The following MYO16 variants were observed in gnomAD, a reference collection of about 807,000 sequenced individuals.
MYO16 encodes myosin XVI.
MYO16 carries 94 observed loss-of-function variants against 205.3 expected under a neutral mutation model. The observed-to-expected ratio is 0.46, with a 90% CI of 0.39 to 0.54. The LOEUF (loss-of-function observed/expected upper bound fraction) is 0.54, where lower values mean the gene tolerates loss of function less well. Ranked by LOEUF, MYO16 falls within the 20% of genes least tolerant of loss-of-function variation. The pLI is 0.00. For missense variants in MYO16, 2,315 were observed against 2,387.5 expected, an observed-to-expected ratio of 0.97 and a Z score of 0.63; for synonymous variants, 988 against 954.0, an observed-to-expected ratio of 1.04 and a Z score of -0.66.
At chr13:108,609,912 A>T (rs532727842) in intron 1 of MYO16, among the ~76,000 whole-genome samples, 7 of 152,254 alleles carry the variant, frequency 4.6e-5, no homozygotes, top group South Asian at 2.1e-4. Flanking sequence ...ATCTGAAAGG[A>T]TGAATCATGG....
Position 108,727,526 on chromosome 13 carries a change from G to A in MYO16, c.450G>A (p.Thr150=), listed in dbSNP as rs375279066. The A allele has an allele frequency of 3.2e-5, 52 of 1,613,852 alleles. No homozygotes were observed. Among genetic ancestry groups the A allele is most frequent in the African/African-American group, 4.0e-5 (3 of 74,880 alleles). The change falls in exon 4 of 35, where the codon ACG becomes ACA. Residue 150 remains threonine (T), a synonymous_variant. Coordinates refer to ENST00000457511, the MANE Select transcript of MYO16 (RefSeq NM_001198950.3). ...NVNHQDEDFW[T]PMHIACACDN... is the part of the protein sequence containing the mutation. ...ACCACCAGGATGAAGACTTCTGGAC[G>A]CCCATGCACATTGCCTGTGCCTGCG...
chr13:108,939,491 T>C (rs1882632171), intron 16 of MYO16, among the ~76,000 whole-genome samples: 1 of 152,234 alleles, frequency 6.6e-6, no homozygotes, highest in African/African-American at 2.4e-5. Flanking sequence ...GCTAGATTCC[T>C]GTTTTCCTTA....
At chr13:109,147,596 G>A (rs1945051394) in intron 32 of MYO16, among the ~76,000 whole-genome samples, 1 of 152,168 alleles carries the variant, frequency 6.6e-6, no homozygotes. Context: ...TGCGGGTCTT[G>A]TAGTGTTTTA....
intron 1 of MYO16, among the ~76,000 whole-genome samples, chr13:108,660,333 G>T (rs1229873879): frequency 6.6e-6 from 1 of 152,108 alleles, no homozygotes; most frequent in Non-Finnish European, 1.5e-5. Flanking sequence ...TTTCTTTGTT[G>T]ACTTTCTGTC....
Position 109,013,794 on chromosome 13 carries a change from T to G in MYO16, c.2595+4745T>G, listed in dbSNP as rs550997155. 2.3e-4 allele frequency among the ~76,000 whole-genome samples: 35 copies of G among 152,276 alleles called. No individual in the cohort carries two copies. In the Middle Eastern group the frequency reaches 0.014, roughly 60 times the overall value. On this transcript the variant is annotated intron_variant, in intron 22 of 34. Coordinates refer to ENST00000457511, the MANE Select transcript of MYO16 (RefSeq NM_001198950.3). ...GAAAAGTGTCTGTTCATATCCTTTG[T>G]CCACTTTTTGATGGGGTTGTTTGAT...
intron 16 of MYO16, among the ~76,000 whole-genome samples, chr13:108,915,503 G>A (rs1011819479): frequency 4.6e-5 from 7 of 152,168 alleles, no homozygotes; most frequent in Non-Finnish European, 7.4e-5. Flanking sequence ...CTCACCAGCA[G>A]CTGTTTGTTT....
chr13:108,742,334 T>C (rs1363932115), intron 4 of MYO16, among the ~76,000 whole-genome samples: 3 of 152,096 alleles, frequency 2.0e-5, no homozygotes, highest in Non-Finnish European at 4.4e-5. Flanking sequence ...TCAGAGAGGT[T>C]GGCAGTGGTG....
Position 108,787,242 on chromosome 13 carries a change from A to G in MYO16, c.616+1499A>G, listed in dbSNP as rs543065490. Reference sequence around the variant, plus strand: ...ATATAATGTGGTGATGGTTTCAGGGATGTATACTTACAAACATCAAGCTGT... The same window carrying G: ...ATATAATGTGGTGATGGTTTCAGGGGTGTATACTTACAAACATCAAGCTGT... On this transcript the variant is annotated intron_variant, in intron 5 of 34. Transcript: ENST00000457511. Among the ~76,000 whole-genome samples, 3 of 152,292 alleles carry G rather than the reference A, an allele frequency of 2.0e-5. No individual in the cohort carries two copies. The East Asian group carries it at 5.8e-4, about 29-fold the overall frequency.
Position 108,964,901 on chromosome 13 carries a change from A to AG in MYO16, c.2369+1dup, listed in dbSNP as rs1883731238. 1 of 1,614,046 alleles carries AG rather than the reference A, an allele frequency of 6.2e-7. No homozygotes were observed. Among genetic ancestry groups the AG allele is most frequent in the East Asian group, 2.2e-5 (1 of 44,866 alleles). On this transcript the variant is annotated frameshift_variant and splice_region_variant, in exon 20 of 35. Transcript: ENST00000457511. LOFTEE classifies it high-confidence loss of function. Reference sequence around the variant, plus strand: ...CCTCCACAGTCAAGATGAACAGAAAAGGTAGGAGTTGATGGATGTTCGGTT... The same window carrying AG: ...CCTCCACAGTCAAGATGAACAGAAAAGGGTAGGAGTTGATGGATGTTCGGTT...
chr13:108,732,049 TG>T (rs1404082451), intron 4 of MYO16, among the ~76,000 whole-genome samples: 1 of 152,208 alleles, frequency 6.6e-6, no homozygotes, highest in African/African-American at 2.4e-5. Flanking sequence ...TAAAATATGT[TG>T]TCATAAAAAT....
chr13:109,180,152 A>C (rs762878783), intron 34 of MYO16, among the ~76,000 whole-genome samples: 1 of 152,200 alleles, frequency 6.6e-6, no homozygotes, highest in Non-Finnish European at 1.5e-5. Flanking sequence ...TGCAGTCCAC[A>C]AAACTGTTTG....
Position 109,041,011 on chromosome 13 carries a change from G to A in MYO16, c.2797-5905G>A, listed in dbSNP as rs184224280. On this transcript the variant is annotated intron_variant, in intron 23 of 34. Coordinates refer to ENST00000457511, the MANE Select transcript of MYO16 (RefSeq NM_001198950.3). ...CTCAAAGAACTAATAAGTGAGTTTAGCAAGGTCACAAGACACAAGATAAAC... is the reference window on the plus strand; with the variant it reads ...CTCAAAGAACTAATAAGTGAGTTTAACAAGGTCACAAGACACAAGATAAAC... Among the ~76,000 whole-genome samples the A allele has an allele frequency of 7.2e-5, 11 of 152,268 alleles. No individual in the cohort carries two copies. In the South Asian group the frequency reaches 1.7e-3, roughly 23 times the overall value.
At chr13:108,796,617 G>T (rs1462278003) in intron 6 of MYO16, among the ~76,000 whole-genome samples, 1 of 151,990 alleles carries the variant, frequency 6.6e-6, no homozygotes, top group African/African-American at 2.4e-5. Flanking sequence ...GTCCTTTGTA[G>T]GGACATGGAT....
At chr13:108,708,260 C>G (rs898641061) in intron 2 of MYO16, among the ~76,000 whole-genome samples, 1 of 152,018 alleles carries the variant, frequency 6.6e-6, no homozygotes, top group Non-Finnish European at 1.5e-5. Context: ...CTTCTTGCTT[C>G]TCTTCTTGAT....
chr13:109,141,352 G>A lies in MYO16; in HGVS notation c.5140G>A (p.Gly1714Arg), dbSNP rs749110193. Residue 1714 changes from glycine to arginine, a missense_variant, in exon 32 of 35, where the codon GGA (glycine) becomes AGA (arginine). Gly to Arg is a moderately radical substitution (Grantham distance 125, BLOSUM62 -2). Transcript: ENST00000457511. This position sits in a 1 kb window ranked among gnomAD's most constrained non-coding sequence, Gnocchi z 4.1. ...GAGTGTGCTTCGGAAATCCGCGGCG[G>A]GAAGAAAAATCAGGGAAGCAGAAGG... ...GRSVLRKSAA[G>R]RKIREAEGFE... The A allele has an allele frequency of 2.6e-6, 4 of 1,544,104 alleles. No homozygotes were observed. In the East Asian group the frequency reaches 7.5e-5, roughly 29 times the overall value.
At chr13:108,676,599 T>C (rs576201622) in intron 2 of MYO16, among the ~76,000 whole-genome samples, 2 of 152,254 alleles carry the variant, frequency 1.3e-5, no homozygotes, top group African/African-American at 4.8e-5. Flanking sequence ...ATCCAAGGAC[T>C]TGCGTCCATT....
At chr13:108,583,020 A>G in the MYO16 span, among the ~76,000 whole-genome samples, 1 of 152,210 alleles carries the variant, frequency 6.6e-6, no homozygotes, top group Admixed American at 6.5e-5. Flanking sequence ...TGCAACAGAT[A>G]AAGTTTATGA....
At chr13:108,844,596 CAA>C (rs1877422032) in intron 10 of MYO16, 103 bp downstream of exon 10, 3 of 1,196,678 alleles carry the variant, frequency 2.5e-6, no homozygotes, top group South Asian at 2.1e-5. Flanking sequence ...AATTTGCATT[CAA>C]AGACAATTAA....
chr13:108,864,440 G>A (rs1035736786), intron 11 of MYO16, among the ~76,000 whole-genome samples: 1 of 152,070 alleles, frequency 6.6e-6, no homozygotes, highest in African/African-American at 2.4e-5. Flanking sequence ...GTACCTACTA[G>A]TGACTTCAGT....
Sources: gnomAD v4.1 joint callset for allele counts (sites outside exome capture counted in the v4.1 genomes callset) on GRCh38, gnomAD v4.1.1 for gene constraint, Gnocchi (gnomAD v3.1) non-coding constraint, MANE v1.5 for transcripts, NCBI Gene and HGNC (gene_info 2026-07-23, HGNC 2026-07-21) for gene names.